The following U2SURP variants were observed in gnomAD, a reference collection of about 807,000 sequenced individuals.
U2SURP encodes U2 snRNP associated SURP domain containing.
Under a neutral mutation model 144.9 loss-of-function variants are expected in U2SURP, and 9 were observed. The ratio of observed to expected loss-of-function variants is 0.06; its 90% CI spans 0.04 to 0.11. U2SURP has a LOEUF of 0.11. Ranked by LOEUF, U2SURP falls within the 10% of genes least tolerant of loss-of-function variation. The probability of loss-of-function intolerance (pLI) is 1.00; values close to 1 mark genes in which losing one functional copy is unlikely to be tolerated. For missense variants in U2SURP, 724 were observed against 1,226.7 expected (o/e 0.59, Z 6.12); for synonymous variants, 408 against 396.8 (o/e 1.03, Z -0.33).
Position 143,053,740 on chromosome 3 carries a change from C to T in U2SURP, c.2720C>T (p.Ser907Phe), listed in dbSNP as rs964456045. ...RDKKDKEKLE[S>F]RSKDKKEKDE... Reference sequence around the variant, plus strand: ...AAGAAAGATAAAGAAAAATTGGAATCTCGCTCCAAAGACAAGAAGGAAAAA... The same window carrying T: ...AAGAAAGATAAAGAAAAATTGGAATTTCGCTCCAAAGACAAGAAGGAAAAA... Residue 907 changes from serine to phenylalanine, a missense_variant, in exon 26 of 28, where the codon TCT (serine) becomes TTT (phenylalanine). Around this residue, in one of 13 missense-constraint regions of U2SURP, gnomAD observed 129 missense variants for 196.1 expected, o/e 0.66. Transcript: ENST00000473835. 1 of 1,608,940 alleles carries T rather than the reference C, an allele frequency of 6.2e-7. No individual in the cohort carries two copies. Among genetic ancestry groups the T allele is most frequent in the Non-Finnish European group, 8.5e-7 (1 of 1,177,602 alleles).
rs571639839 is a variant in U2SURP at position 143,012,133 on chromosome 3, A to G, written c.91-89A>G. On this transcript the variant is annotated intron_variant, in intron 2 of 27. Transcript: ENST00000473835. ...TGATAATCTACAATGAAATTTGTCA[A>G]TATCTGGCATGGCTTATTCCTAGTT... is the stretch of plus-strand genomic sequence containing the variant. 1,634 of 1,463,630 alleles carry G rather than the reference A, an allele frequency of 1.1e-3. 10 individuals carry two copies. Among genetic ancestry groups the G allele is most frequent in the South Asian group, 5.7e-3 (466 of 81,152 alleles). The allele number at this position is 1,463,630 out of a possible 1,614,324, so 90.7% of individuals were successfully genotyped here. A position where few individuals can be genotyped will look rare whatever the true frequency, so the allele number is the denominator to read the frequency against.
chr3:143,033,056 C>CT, intron 17 of U2SURP, 110 bp downstream of exon 17: 1 of 1,249,974 alleles, frequency 8.0e-7, no homozygotes, highest in Non-Finnish European at 1.1e-6. Flanking sequence ...CCCATGCAGT[C>CT]TTATGTTATT....
rs570414849 is a variant in U2SURP at position 143,044,542 on chromosome 3, A to G, written c.2544+1266A>G. On this transcript the variant is annotated intron_variant, in intron 24 of 27. Coordinates refer to ENST00000473835, the MANE Select transcript of U2SURP (RefSeq NM_001080415.2). ...TTTTAAATGCCTTTTCTTTTGTCCA[A>G]GGCTATTCAGACATCTCAGAGAAGG... Among the ~76,000 whole-genome samples, 324 of 152,092 alleles carry G rather than the reference A, an allele frequency of 2.1e-3. 3 individuals are homozygous for G. Among genetic ancestry groups the G allele is most frequent in the African/African-American group, 7.4e-3 (306 of 41,476 alleles).
intron 4 of U2SURP, among the ~76,000 whole-genome samples, chr3:143,014,806 A>T (rs1936282409): frequency 6.6e-6 from 1 of 151,986 alleles, no homozygotes; most frequent in South Asian, 2.1e-4. Context: ...CTCCTTATTC[A>T]TTTGCTATGG....
intron 1 of U2SURP, among the ~76,000 whole-genome samples, chr3:143,010,145 G>A (rs1335849982): frequency 1.3e-5 from 2 of 152,206 alleles, no homozygotes; most frequent in East Asian, 3.8e-4. Flanking sequence ...GTGGCAACAA[G>A]TTATTGCATA....
intron 4 of U2SURP, among the ~76,000 whole-genome samples, chr3:143,014,975 T>C (rs982207479): frequency 2.0e-5 from 3 of 152,058 alleles, no homozygotes; most frequent in South Asian, 4.1e-4. Context: ...ATAGGTGAGA[T>C]TTGGGATATA....
chr3:143,027,168 C>T lies in U2SURP; in HGVS notation c.1294C>T (p.His432Tyr). The T allele has an allele frequency of 6.2e-7, 1 of 1,612,730 alleles. No homozygotes were observed. Among genetic ancestry groups the T allele is most frequent in the East Asian group, 2.2e-5 (1 of 44,848 alleles). The change falls in exon 14 of 28, where the codon CAT (histidine) becomes TAT (tyrosine). Residue 432 changes from histidine to tyrosine, a missense_variant. Coordinates refer to ENST00000473835, the MANE Select transcript of U2SURP (RefSeq NM_001080415.2). The part of the protein sequence containing the change: ...PTERNLLALI[H>Y]RMIEFVVREG... Reference sequence around the variant, plus strand: ...TTGTAGGAATTTGCTCGCCCTGATACATCGAATGATAGAGTTTGTTGTACG... The same window carrying T: ...TTGTAGGAATTTGCTCGCCCTGATATATCGAATGATAGAGTTTGTTGTACG...
intron 23 of U2SURP, among the ~76,000 whole-genome samples, chr3:143,040,452 ACT>A (rs1416639189): frequency 6.6e-6 from 1 of 151,766 alleles, no homozygotes. Context: ...CCTCACTACT[ACT>A]CTCTAGTGGC....
chr3:143,028,193 G>T, intron 14 of U2SURP, 147 bp from the exon 15 acceptor site: 1 of 884,590 alleles, frequency 1.1e-6, no homozygotes, highest in Non-Finnish European at 1.7e-6. Flanking sequence ...GTAGCGGGTG[G>T]TAGTGGGTGA....
In U2SURP at chr3:143,022,989, G is replaced by T. The variant is rs773510965; in HGVS notation, c.1155G>T (p.Ala385=). 3.1e-6 allele frequency: 5 copies of T among 1,611,344 alleles called. No homozygotes were observed. In the African/African-American group the frequency reaches 6.7e-5, roughly 22 times the overall value. Residue 385 remains alanine (A), a synonymous_variant, in exon 12 of 28, where the codon GCG becomes GCT. Coordinates refer to ENST00000473835, the MANE Select transcript of U2SURP (RefSeq NM_001080415.2). ...PPPPSGLPFN[A]QPRERLKNPN... is the part of the protein sequence containing the mutation. ...CTCCATCCGGACTGCCTTTTAATGC[G>T]CAGCCTAGAGAGCGGTTAAAAAACC...
intron 23 of U2SURP, among the ~76,000 whole-genome samples, chr3:143,039,178 G>A (rs1159571636): frequency 3.3e-5 from 5 of 151,708 alleles, no homozygotes; most frequent in Non-Finnish European, 3.0e-5. Flanking sequence ...AGTTTTTTAC[G>A]CTAGGTTATA....
intron 23 of U2SURP, 95 bp downstream of exon 23, chr3:143,039,055 T>G: frequency 1.1e-6 from 1 of 929,360 alleles, no homozygotes; most frequent in Non-Finnish European, 1.5e-6. Flanking sequence ...AGTGGAAAAC[T>G]TCACTCTTAA....
chr3:143,010,193 T>C (rs1936050912), intron 1 of U2SURP, among the ~76,000 whole-genome samples: 1 of 152,184 alleles, frequency 6.6e-6, no homozygotes, highest in South Asian at 2.1e-4. Context: ...TTAAGAAAAG[T>C]TGAAGTTTTA....
At position 143,055,071 on chromosome 3, in the gene U2SURP, G is replaced by A. The variant is rs925914775; in HGVS notation, c.2903G>A (p.Arg968Lys). Residue 968 changes from arginine (R) to lysine (K), a missense_variant, in exon 27 of 28, where the codon AGG (arginine) becomes AAG (lysine). This residue lies in a region of U2SURP where 129 missense variants were observed against 196.1 expected (regional missense o/e 0.66). Transcript: ENST00000473835. ...ERSHKESSRSRSSHKDSPRDV... is the reference protein window; with the variant it reads ...ERSHKESSRSKSSHKDSPRDV... ...TCTCATAAAGAGAGCTCACGGTCCA[G>A]GTCATCTCACAAAGATTCTCCTAGA... 2 of 1,606,740 alleles carry A rather than the reference G, an allele frequency of 1.2e-6. No individual in the cohort carries two copies. The highest frequency in any genetic ancestry group is 1.3e-5 in the African/African-American group (1 of 74,712).
intron 6 of U2SURP, 92 bp downstream of exon 6, chr3:143,017,067 T>G: frequency 7.5e-7 from 1 of 1,327,120 alleles, no homozygotes; most frequent in Non-Finnish European, 9.9e-7. Context: ...CTTTTTTTCG[T>G]TTTTGGTGGG....
intron 1 of U2SURP, among the ~76,000 whole-genome samples, chr3:143,007,642 T>C (rs982696516): frequency 1.3e-5 from 2 of 152,004 alleles, no homozygotes; most frequent in African/African-American, 4.8e-5. Flanking sequence ...GGGATTTTGC[T>C]GTGTTAGCCA....
intron 26 of U2SURP, 132 bp downstream of exon 26, chr3:143,053,926 C>A: frequency 1.4e-6 from 1 of 723,128 alleles, no homozygotes; most frequent in Non-Finnish European, 2.2e-6. Flanking sequence ...GTCCTGCTTG[C>A]AGAAGGCAGA....
intron 22 of U2SURP, 120 bp from the exon 23 acceptor site, chr3:143,038,774 T>C: frequency 1.6e-6 from 1 of 637,874 alleles, no homozygotes; most frequent in Non-Finnish European, 2.6e-6. Flanking sequence ...TTGATAAACA[T>C]AGATTAAAAA....
At position 143,056,558 on chromosome 3, in the gene U2SURP, T is replaced by G. The variant is rs1401888259; in HGVS notation, c.*108T>G. On this transcript the variant is annotated 3_prime_UTR_variant, in exon 28 of 28. Coordinates refer to ENST00000473835, the MANE Select transcript of U2SURP (RefSeq NM_001080415.2). ...ATCAAATGAAAGAGCATTCCTGGGG[T>G]TTTTTGTTTGTTTGTGTATGCATGT... is the stretch of plus-strand genomic sequence containing the variant. The G allele has an allele frequency of 7.1e-7, 1 of 1,412,430 alleles. No homozygotes were observed. The highest frequency in any genetic ancestry group is 1.4e-5 in the African/African-American group (1 of 69,162). 87.5% of individuals were successfully genotyped at this position (1,412,430 alleles called of 1,614,324 possible). A position where few individuals can be genotyped will look rare whatever the true frequency, so the allele number is the denominator to read the frequency against.
Sources: gnomAD v4.1 joint callset for allele counts (sites outside exome capture counted in the v4.1 genomes callset) on GRCh38, gnomAD v4.1.1 for gene constraint, gnomAD v4.1.1 regional missense constraint, MANE v1.5 for transcripts, NCBI Gene and HGNC (gene_info 2026-07-23, HGNC 2026-07-21) for gene names.